The following C9orf43 variants were observed in gnomAD, a reference collection of about 807,000 sequenced individuals.
C9orf43 encodes the protein uncharacterized protein C9orf43.
Under a neutral mutation model 59.1 loss-of-function variants are expected in C9orf43, and 45 were observed. The observed-to-expected ratio is 0.76, with a 90% CI of 0.60 to 0.98. The LOEUF (loss-of-function observed/expected upper bound fraction) is 0.98. Ranked by LOEUF, C9orf43 falls within the 50% of genes least tolerant of loss-of-function variation. The pLI is 0.00. For synonymous variants in C9orf43, 203 were observed against 196.8 expected (o/e 1.03, Z -0.26); for missense variants, 533 against 554.9 (o/e 0.96, Z 0.40).
intron 3 of C9orf43, 29 bp from the exon 4 acceptor site, chr9:113,419,079 C>G (rs1828477871): frequency 1.3e-6 from 2 of 1,576,470 alleles, no homozygotes; most frequent in African/African-American, 2.7e-5. Flanking sequence ...TTTTGTATTT[C>G]TGTTTTATGT....
intron 1 of C9orf43, among the ~76,000 whole-genome samples, chr9:113,412,103 T>C (rs1418921340): frequency 1.3e-5 from 2 of 152,180 alleles, no homozygotes; most frequent in South Asian, 2.1e-4. Context: ...GCAAATGCTA[T>C]GATAAATGGC....
In C9orf43 at chr9:113,429,648, A is replaced by G. The variant is rs1332905112; in HGVS notation, c.*262A>G. The G allele has an allele frequency of 1.2e-5, 5 of 402,592 alleles. No individual in the cohort carries two copies. In the East Asian group the frequency reaches 2.2e-4, roughly 17 times the overall value. The allele number at this position is 402,592 out of a possible 1,614,324, so 24.9% of individuals were successfully genotyped here. ...AGATTATTTCCTTTCCATTAGGGTC[A>G]GAATAATTTTGGTGATTAAACACAA... On this transcript the variant is annotated 3_prime_UTR_variant, in exon 14 of 14. Transcript: ENST00000374165.
chr9:113,427,517 C>A (rs1331712894), intron 11 of C9orf43, among the ~76,000 whole-genome samples: 2 of 152,222 alleles, frequency 1.3e-5, no homozygotes, highest in Non-Finnish European at 2.9e-5. Context: ...TGTGTCCCAG[C>A]TATTAAGTCA....
intron 4 of C9orf43, among the ~76,000 whole-genome samples, chr9:113,420,077 A>C (rs1248909243): frequency 6.6e-6 from 1 of 152,074 alleles, no homozygotes; most frequent in African/African-American, 2.4e-5. Flanking sequence ...GATTAGATTA[A>C]ATAATAATAA....
rs769000529 is a variant in C9orf43, at chr9:113,429,348, G to C, written c.1348G>C (p.Asp450His). 1.2e-6 allele frequency: 2 copies of C among 1,614,200 alleles called. No homozygotes were observed. Among genetic ancestry groups the C allele is most frequent in the Non-Finnish European group, 1.7e-6 (2 of 1,180,044 alleles). ...KLLRILQDTD[D>H]EDEEDQSSGA... Reference sequence around the variant, plus strand: ...ACTTAGGATTCTTCAGGACACTGATGATGAGGATGAGGAGGACCAGTCCTC... The same window carrying C: ...ACTTAGGATTCTTCAGGACACTGATCATGAGGATGAGGAGGACCAGTCCTC... The change falls in exon 14 of 14, where the codon GAT becomes CAT. Residue 450 changes from aspartate (D) to histidine (H), a missense_variant. By Grantham distance (81) the Asp-to-His change is moderately conservative. Coordinates refer to ENST00000374165, the MANE Select transcript of C9orf43 (RefSeq NM_001278629.2).
intron 1 of C9orf43, among the ~76,000 whole-genome samples, chr9:113,412,494 G>T (rs1287334719): frequency 6.6e-6 from 1 of 152,142 alleles, no homozygotes; most frequent in Non-Finnish European, 1.5e-5. Context: ...TTGAATAAAA[G>T]AAAGAAATGG....
rs1221553341 is a variant in C9orf43, at chr9:113,423,501, A to G, written c.656+3A>G. On this transcript the variant is annotated splice_donor_region_variant and intron_variant, in intron 7 of 13. Transcript: ENST00000374165. ...TTACCTCAGGATCTACTGAAGGAGT[A>G]AGTATCATGTAGGTCTGTGGGAGAG... is the stretch of plus-strand genomic sequence containing the variant. The G allele has an allele frequency of 1.2e-6, 2 of 1,611,838 alleles. No individual in the cohort carries two copies. The highest frequency in any genetic ancestry group is 1.7e-6 in the Non-Finnish European group (2 of 1,178,166).
intron 5 of C9orf43, 104 bp from the exon 6 acceptor site, chr9:113,422,445 C>T (rs1184297626): frequency 6.8e-7 from 1 of 1,476,414 alleles, no homozygotes. Context: ...CACAAATATC[C>T]TTGGAGCTTC....
rs544982334 is a variant in C9orf43 at position 113,412,274 on chromosome 9, C to T, written c.-49-1171C>T. On this transcript the variant is annotated intron_variant, in intron 1 of 13. Coordinates refer to ENST00000374165, the MANE Select transcript of C9orf43 (RefSeq NM_001278629.2). ...TCAAGTATTTTGGTCCCTAAAAGGA[C>T]ATTGTGGGCTATTTCAATTTTAAAA... Among the ~76,000 whole-genome samples the T allele has an allele frequency of 2.0e-5, 3 of 152,292 alleles. No homozygotes were observed. The East Asian group carries it at 5.8e-4, about 29-fold the overall frequency.
intron 1 of C9orf43, among the ~76,000 whole-genome samples, chr9:113,412,969 G>A (rs1012689025): frequency 6.6e-6 from 1 of 152,188 alleles, no homozygotes; most frequent in African/African-American, 2.4e-5. Flanking sequence ...CAGAAGTTTG[G>A]GCCTTCTAAG....
intron 12 of C9orf43, among the ~76,000 whole-genome samples, chr9:113,428,560 C>T (rs1273566560): frequency 6.6e-6 from 1 of 152,134 alleles, no homozygotes. Context: ...GCCAAAGAAG[C>T]CACAAGTCCA....
intron 3 of C9orf43, among the ~76,000 whole-genome samples, chr9:113,418,581 C>T (rs1029193019): frequency 3.9e-5 from 6 of 152,134 alleles, no homozygotes; most frequent in Non-Finnish European, 8.8e-5. Flanking sequence ...GTGATGAAAA[C>T]TCATGGTGTG....
At position 113,425,438 on chromosome 9, in the gene C9orf43, G is replaced by A; in HGVS notation, c.942+18G>A. On this transcript the variant is annotated intron_variant, in intron 10 of 13. Transcript: ENST00000374165. ...AGAAACAGGTAGAGTGGCAGTGAGGGGCTTGCTGGGACTGGGAGAGGTCTA... is the reference window on the plus strand; with the variant it reads ...AGAAACAGGTAGAGTGGCAGTGAGGAGCTTGCTGGGACTGGGAGAGGTCTA... 1.2e-6 allele frequency: 2 copies of A among 1,607,472 alleles called. No individual in the cohort carries two copies. Among genetic ancestry groups the A allele is most frequent in the Non-Finnish European group, 1.7e-6 (2 of 1,176,530 alleles).
intron 6 of C9orf43, 74 bp from the exon 7 acceptor site, chr9:113,423,252 G>T: frequency 6.8e-7 from 1 of 1,466,296 alleles, no homozygotes. Context: ...AGTGTTGAGA[G>T]GCTAGAATGT....
intron 3 of C9orf43, among the ~76,000 whole-genome samples, chr9:113,415,978 G>A (rs1177645035): frequency 2.0e-5 from 3 of 152,124 alleles, no homozygotes; most frequent in African/African-American, 7.2e-5. Flanking sequence ...CCTATGATAT[G>A]CTTCATATTC....
At position 113,429,388 on chromosome 9, in the gene C9orf43, A is replaced by G. The variant is rs892375453; in HGVS notation, c.*2A>G. ...GACCAGTCCTCTGGGGCAGAGTGAG[A>G]AGCCTCTGGAGGAATAGACTGAAGG... On this transcript the variant is annotated 3_prime_UTR_variant, in exon 14 of 14. Transcript: ENST00000374165. 12 of 1,613,336 alleles carry G rather than the reference A, an allele frequency of 7.4e-6. No homozygotes were observed. The highest frequency in any genetic ancestry group is 1.0e-5 in the Non-Finnish European group (12 of 1,179,704).
rs1828114772 is a variant in C9orf43 at position 113,410,977 on chromosome 9, C to G, written c.-74C>G. ...AGTTGATGTTCATTTTTAATCTTTT[C>G]GCCCCTCACGCTTTTGTAATAATGG... On this transcript the variant is annotated 5_prime_UTR_variant, in exon 1 of 14. Coordinates refer to ENST00000374165, the MANE Select transcript of C9orf43 (RefSeq NM_001278629.2). The G allele has an allele frequency of 9.1e-6, 9 of 986,044 alleles. No homozygotes were observed. The highest frequency in any genetic ancestry group is 1.1e-5 in the Non-Finnish European group (9 of 830,346). The allele number at this position is 986,044 out of a possible 1,614,324, so 61.1% of individuals were successfully genotyped here. A position where few individuals can be genotyped will look rare whatever the true frequency, so the allele number is the denominator to read the frequency against.
At chr9:113,425,162 A>C (rs1284055845) in intron 9 of C9orf43, 86 bp downstream of exon 9, 11 of 1,488,438 alleles carry the variant, frequency 7.4e-6, no homozygotes, top group Non-Finnish European at 1.0e-5. Flanking sequence ...CAATTCAGTT[A>C]TATTTGTGGC....
intron 11 of C9orf43, among the ~76,000 whole-genome samples, chr9:113,427,846 A>G (rs931375827): frequency 6.6e-6 from 1 of 152,230 alleles, no homozygotes; most frequent in Non-Finnish European, 1.5e-5. Context: ...GATGAGTCAC[A>G]TTCTGGTAAG....
Sources: gnomAD v4.1 joint callset for allele counts (sites outside exome capture counted in the v4.1 genomes callset) on GRCh38, gnomAD v4.1.1 for gene constraint, MANE v1.5 for transcripts, NCBI Gene and HGNC (gene_info 2026-07-23, HGNC 2026-07-21) for gene names.